The following SORBS2 variants were observed in gnomAD, a reference collection of about 807,000 sequenced individuals.
SORBS2 encodes sorbin and SH3 domain-containing protein 2.
Under a neutral mutation model 97.7 loss-of-function variants are expected in SORBS2, and 46 were observed. The observed-to-expected ratio is 0.47, with a 90% confidence interval of 0.37 to 0.60. The LOEUF (loss-of-function observed/expected upper bound fraction) is 0.60, where lower values mean the gene tolerates loss of function less well. Among genes scored for constraint, SORBS2 ranks in the 20% least tolerant of loss-of-function variants. The pLI, the probability that SORBS2 is intolerant of heterozygous loss-of-function variation, is 0.00. For synonymous variants in SORBS2, 476 were observed against 473.4 expected (o/e 1.01, Z -0.07); for missense variants, 1,316 against 1,282.3 (o/e 1.03, Z -0.40).
At chr4:185,875,348 T>C (rs1455913640) in intron 1 of SORBS2, among the ~76,000 whole-genome samples, 1 of 152,168 alleles carries the variant, frequency 6.6e-6, no homozygotes, top group Non-Finnish European at 1.5e-5. Context: ...AAACATCATG[T>C]TAGTATACCA....
intron 1 of SORBS2, among the ~76,000 whole-genome samples, chr4:185,785,643 A>T (rs1319801202): frequency 6.6e-6 from 1 of 152,156 alleles, no homozygotes; most frequent in Admixed American, 6.5e-5. Context: ...CCAAATAGGC[A>T]CTGTGTGGCC....
intron 5 of SORBS2, among the ~76,000 whole-genome samples, chr4:185,627,614 C>G (rs1381524917): frequency 1.3e-5 from 2 of 152,096 alleles, no homozygotes; most frequent in Non-Finnish European, 2.9e-5. Context: ...CACAGTTTCC[C>G]TTATCATTTA....
intron 4 of SORBS2, among the ~76,000 whole-genome samples, chr4:185,637,471 T>C (rs1226209000): frequency 6.6e-6 from 1 of 152,226 alleles, no homozygotes; most frequent in East Asian, 1.9e-4. Flanking sequence ...CACGTGACTG[T>C]ATTTTGTAGT....
chr4:185,870,830 T>C (rs2099230037), intron 1 of SORBS2, among the ~76,000 whole-genome samples: 1 of 152,194 alleles, frequency 6.6e-6, no homozygotes, highest in Admixed American at 6.5e-5. Flanking sequence ...AATAATTCCA[T>C]GAACATTAAG....
At chr4:185,831,002 C>T (rs888452666) in intron 1 of SORBS2, among the ~76,000 whole-genome samples, 1 of 152,100 alleles carries the variant, frequency 6.6e-6, no homozygotes, top group Admixed American at 6.6e-5. Context: ...TATAACTCTT[C>T]CTTATTTGGG....
chr4:185,802,039 G>A (rs1213987472), intron 1 of SORBS2, among the ~76,000 whole-genome samples: 7 of 152,076 alleles, frequency 4.6e-5, no homozygotes, highest in Admixed American at 2.6e-4. Flanking sequence ...CACCTTGTTC[G>A]AGCCCCAATT....
chr4:185,721,459 C>G (rs2098514090), intron 2 of SORBS2, among the ~76,000 whole-genome samples: 1 of 152,176 alleles, frequency 6.6e-6, no homozygotes, highest in Admixed American at 6.5e-5. Flanking sequence ...CTTTGCCCTA[C>G]CTTCCTAAGC....
chr4:185,729,315 A>C (rs1391784132), intron 2 of SORBS2, among the ~76,000 whole-genome samples: 1 of 152,214 alleles, frequency 6.6e-6, no homozygotes, highest in Non-Finnish European at 1.5e-5. Flanking sequence ...CTTTCTACTC[A>C]TCTCTTTCTG....
chr4:185,657,425 G>A (rs374906705), upstream of SORBS2: 16 of 1,544,360 alleles, frequency 1.0e-5, no homozygotes, highest in Middle Eastern at 3.4e-4. Flanking sequence ...ATTTCCTACC[G>A]TTCTAATTGC....
chr4:185,698,542 G>T (rs4391082), intron 2 of SORBS2, among the ~76,000 whole-genome samples: 8 of 151,928 alleles, frequency 5.3e-5, no homozygotes, highest in East Asian at 3.9e-4. Context: ...AAACAACATA[G>T]GAAATCAAGC....
intron 1 of SORBS2, among the ~76,000 whole-genome samples, chr4:185,832,021 T>C (rs569010166): frequency 2.0e-5 from 3 of 152,384 alleles, no homozygotes; most frequent in African/African-American, 7.2e-5. Flanking sequence ...TTGTGTTCTC[T>C]GGTTTTAATA....
chr4:185,931,127 A>C (rs2099266241), intron 1 of SORBS2, among the ~76,000 whole-genome samples: 1 of 152,192 alleles, frequency 6.6e-6, no homozygotes, highest in African/African-American at 2.4e-5. Context: ...ACATTAGATA[A>C]TTTATCATTA....
chr4:185,774,440 C>T (rs529040278), intron 2 of SORBS2: 2 of 152,272 alleles, frequency 1.3e-5, no homozygotes, highest in African/African-American at 4.8e-5. Flanking sequence ...AGACTTTTTA[C>T]TGAGCATAGT....
At chr4:185,612,041 T>C (rs2096546731) in intron 11 of SORBS2, 61 bp from the exon 24 acceptor site, 1 of 1,184,444 alleles carries the variant, frequency 8.4e-7, no homozygotes, top group Non-Finnish European at 1.2e-6. Flanking sequence ...AAAATATAAT[T>C]GTCAATGTTT....
Position 185,656,613 on chromosome 4 carries a change from A to G in SORBS2, c.24+2T>C. The G allele has an allele frequency of 1.9e-6, 3 of 1,548,302 alleles. No individual in the cohort carries two copies. Among genetic ancestry groups the G allele is most frequent in the Non-Finnish European group, 2.6e-6 (3 of 1,144,860 alleles). ...CCCTCCCCGCATGGCCCCCAACTTCACCTGCAAAGGTGTTGTTGCTTTCAT... is the reference window on the plus strand; with the variant it reads ...CCCTCCCCGCATGGCCCCCAACTTCGCCTGCAAAGGTGTTGTTGCTTTCAT... On this transcript the variant is annotated splice_donor_variant, in intron 1 of 14. Transcript: ENST00000418609. LOFTEE classifies it high-confidence loss of function.
At chr4:185,670,608 GT>G (rs74732953) in intron 4 of SORBS2, among the ~76,000 whole-genome samples, 182 of 143,402 alleles carry the variant, frequency 1.3e-3, no homozygotes, top group Middle Eastern at 3.7e-3. Context: ...CTAGGAAGGG[GT>G]TTTTTTTTTT....
upstream of SORBS2, among the ~76,000 whole-genome samples, chr4:185,661,573 G>A (rs2097522914): frequency 1.3e-5 from 2 of 152,148 alleles, 1 homozygote; most frequent in East Asian, 3.9e-4. Context: ...TCTCTTGTGT[G>A]GCTTCCTGCT....
chr4:185,800,369 A>T (rs1421698268), intron 1 of SORBS2, among the ~76,000 whole-genome samples: 1 of 152,210 alleles, frequency 6.6e-6, no homozygotes, highest in Admixed American at 6.5e-5. Context: ...GACCCAGCGT[A>T]TGAAGGAGGA....
intron 2 of SORBS2, among the ~76,000 whole-genome samples, chr4:185,703,441 A>G (rs1013967926): frequency 1.3e-5 from 2 of 152,184 alleles, no homozygotes; most frequent in African/African-American, 2.4e-5. Context: ...ACGTTTTTGC[A>G]TAGCTCCTAT....
Sources: gnomAD v4.1 joint callset for allele counts (sites outside exome capture counted in the v4.1 genomes callset) on GRCh38, gnomAD v4.1.1 for gene constraint, MANE v1.5 for transcripts, NCBI Gene and HGNC (gene_info 2026-07-23, HGNC 2026-07-21) for gene names.